Variants in XCL2 observed in about 807,000 individuals in gnomAD.
XCL2 encodes the protein X-C motif chemokine ligand 2, also known as cytokine SCM-1 beta.
XCL2 carries 8 observed loss-of-function variants against 7.2 expected under a neutral mutation model. The ratio of observed to expected loss-of-function variants is 1.10; its 90% CI spans 0.65 to 1.99. The LOEUF (loss-of-function observed/expected upper bound fraction) is 1.99, where lower values mean the gene tolerates loss of function less well. Among genes scored for constraint, XCL2 ranks in the 30% most tolerant of loss-of-function variants. The probability of loss-of-function intolerance (pLI) is 0.00; values close to 1 mark genes in which losing one functional copy is unlikely to be tolerated. For synonymous variants in XCL2, 46 were observed against 54.2 expected (o/e 0.85, Z 0.67); for missense variants, 131 against 138.6 (o/e 0.94, Z 0.28).
Position 168,543,329 on chromosome 1 carries a change from C to G in XCL2, c.61+575G>C, listed in dbSNP as rs544851925. ...CAAGACTGGGACATCCAGTCCACAG[C>G]AAGCACTACTGTCGCCTTCACACAG... On this transcript the variant is annotated intron_variant, in intron 1 of 2. Transcript: ENST00000367819. 4 of 214,696 alleles carry G rather than the reference C, an allele frequency of 1.9e-5. No individual in the cohort carries two copies. The South Asian group carries it at 2.6e-4, about 14-fold the overall frequency. 13.3% of individuals were successfully genotyped at this position (214,696 alleles called of 1,614,324 possible). A position where few individuals can be genotyped will look rare whatever the true frequency, so the allele number is the denominator to read the frequency against.
At chr1:168,541,692 T>C (rs1654287259) in intron 2 of XCL2, among the ~76,000 whole-genome samples, 1 of 152,166 alleles carries the variant, frequency 6.6e-6, no homozygotes, top group South Asian at 2.1e-4. Flanking sequence ...AACCCTGACA[T>C]GAGCCAGCCA....
chr1:168,542,490 C>T (rs642821), intron 1 of XCL2, among the ~76,000 whole-genome samples: 34 of 152,166 alleles, frequency 2.2e-4, no homozygotes, highest in African/African-American at 6.7e-4. Flanking sequence ...CAGACATTAT[C>T]CCTGTTTTCA....
At chr1:168,541,238 C>G in intron 2 of XCL2, 118 bp from the exon 3 acceptor site, 1 of 1,326,134 alleles carries the variant, frequency 7.5e-7, no homozygotes, top group Non-Finnish European at 1.0e-6. Flanking sequence ...AAGAAATAGT[C>G]TTTCAGAGCC....
Position 168,540,924 on chromosome 1 carries a change from C to G in XCL2, c.*28G>C, listed in dbSNP as rs374631558. 413 of 1,609,126 alleles carry G rather than the reference C, an allele frequency of 2.6e-4. No homozygotes were observed. The highest frequency in any genetic ancestry group is 3.4e-4 in the Non-Finnish European group (400 of 1,176,242). On this transcript the variant is annotated 3_prime_UTR_variant, in exon 3 of 3. Coordinates refer to ENST00000367819, the MANE Select transcript of XCL2 (RefSeq NM_003175.4). ...GTGTAAAGTGAAATGAGCTGGCTGG[C>G]TGGAGACGGACAGGGTGCCAGAGAC...
At chr1:168,543,878 A>G (rs1654343788) in intron 1 of XCL2, 26 bp downstream of exon 1, 1 of 1,590,998 alleles carries the variant, frequency 6.3e-7, no homozygotes, top group African/African-American at 1.4e-5. Flanking sequence ...CCTATTCTTT[A>G]TCTCACAGAC....
At chr1:168,543,070 G>A (rs1654324549) in intron 1 of XCL2, 1 of 380,834 alleles carries the variant, frequency 2.6e-6, no homozygotes, top group African/African-American at 2.1e-5. Flanking sequence ...AAGAGAAGAA[G>A]CAGAGACTGT....
chr1:168,542,209 T>C, intron 1 of XCL2, 102 bp from the exon 2 acceptor site: 2 of 1,041,512 alleles, frequency 1.9e-6, no homozygotes, highest in Non-Finnish European at 2.6e-6. Context: ...TGTGAGAATA[T>C]AAGGCCATTT....
At chr1:168,542,631 G>A (rs988749714) in intron 1 of XCL2, 7 of 158,384 alleles carry the variant, frequency 4.4e-5, no homozygotes, top group Non-Finnish European at 9.7e-5. Context: ...CTCTAGGCAA[G>A]GCAACATTCA....
rs761243450 is a variant in XCL2, at chr1:168,541,098, T to C, written c.199A>G (p.Lys67Glu). 5.1e-5 allele frequency: 83 copies of C among 1,613,466 alleles called. No homozygotes were observed. Among genetic ancestry groups the C allele is most frequent in the Non-Finnish European group, 7.0e-5 (83 of 1,179,644 alleles). Residue 67 changes from lysine (K) to glutamate (E), a missense_variant, in exon 3 of 3, where the codon AAA (lysine) becomes GAA (glutamate). Physicochemically the swap from Lys to Glu is moderately conservative, Grantham distance 56. Transcript: ENST00000367819. ...AVIFITKRGL[K>E]VCADPQATWV... Reference sequence around the variant, plus strand: ...GTGGCTTGTGGATCAGCACAGACTTTTAGGCCACGTTTGGTAATAAAACTG... The same window carrying C: ...GTGGCTTGTGGATCAGCACAGACTTCTAGGCCACGTTTGGTAATAAAACTG...
chr1:168,541,401 G>T (rs1473858363), intron 2 of XCL2, among the ~76,000 whole-genome samples: 2 of 152,010 alleles, frequency 1.3e-5, no homozygotes, highest in Non-Finnish European at 2.9e-5. Flanking sequence ...GACATTTGAG[G>T]CCATCTAGTT....
intron 1 of XCL2, chr1:168,543,148 A>G (rs975081518): frequency 2.2e-5 from 7 of 317,692 alleles, no homozygotes; most frequent in Non-Finnish European, 3.5e-5. Context: ...CTGTTCTTTG[A>G]GCAGGGGTTA....
At position 168,543,921 on chromosome 1, in the gene XCL2, G is replaced by A. The variant is rs2101817139; in HGVS notation, c.44C>T (p.Thr15Ile). Residue 15 changes from threonine (T) to isoleucine (I), a missense_variant, in exon 1 of 3, where the codon ACT becomes ATT. Transcript: ENST00000367819. ...ILALLGICSL[T>I]AYIVEGVGSE... ...CCACTTACCTTCCACAATGTATGCA[G>A]TGAGAGAGCAGATGCCAAGGAGGGC... is the stretch of plus-strand genomic sequence containing the variant. 6.2e-7 allele frequency: 1 copy of A among 1,610,978 alleles called. No homozygotes were observed. The highest frequency in any genetic ancestry group is 8.5e-7 in the Non-Finnish European group (1 of 1,178,582).
intron 1 of XCL2, 22 bp from the exon 2 acceptor site, chr1:168,542,129 C>G (rs1654300574): frequency 6.8e-7 from 1 of 1,468,590 alleles, no homozygotes; most frequent in Non-Finnish European, 9.2e-7. Context: ...AAAAAAACAA[C>G]AGACAATTAA....
intron 1 of XCL2, 59 bp from the exon 2 acceptor site, chr1:168,542,166 GA>G: frequency 7.3e-7 from 1 of 1,373,438 alleles, no homozygotes; most frequent in Non-Finnish European, 9.7e-7. Context: ...CAGATCACAG[GA>G]ACAATCGTCT....
At chr1:168,542,206 A>C in intron 1 of XCL2, 99 bp from the exon 2 acceptor site, 1 of 1,059,502 alleles carries the variant, frequency 9.4e-7, no homozygotes, top group Non-Finnish European at 1.3e-6. Context: ...TGTTGTGAGA[A>C]TATAAGGCCA....
At chr1:168,542,697 AT>A (rs1361888711) in intron 1 of XCL2, 1 of 162,386 alleles carries the variant, frequency 6.2e-6, no homozygotes, top group Non-Finnish European at 1.3e-5. Flanking sequence ...CCCTTTTTAA[AT>A]GGTCAAATTT....
rs756632591 is a variant in XCL2 at position 168,543,974 on chromosome 1, C to T, written c.-10G>A. 1 of 1,604,416 alleles carries T rather than the reference C, an allele frequency of 6.2e-7. No individual in the cohort carries two copies. The highest frequency in any genetic ancestry group is 1.7e-5 in the Admixed American group (1 of 59,586). On this transcript the variant is annotated 5_prime_UTR_variant, in exon 1 of 3. Transcript: ENST00000367819. ...GGATGAGAAGTCTCATGGCTGAGGTCCCGCTGAGCTGTGCAGGGAGAGTGA... is the reference window on the plus strand; with the variant it reads ...GGATGAGAAGTCTCATGGCTGAGGTTCCGCTGAGCTGTGCAGGGAGAGTGA...
Position 168,540,840 on chromosome 1 carries a change from G to T in XCL2, c.*112C>A. 3.1e-6 allele frequency: 4 copies of T among 1,270,138 alleles called. No homozygotes were observed. The highest frequency in any genetic ancestry group is 3.2e-6 in the Non-Finnish European group (3 of 947,628). The allele number at this position is 1,270,138 out of a possible 1,614,324, so 78.7% of individuals were successfully genotyped here. ...GACATTTAAAAGTAAAAATACAAAG[G>T]AATAATTTTATTCATGCAGTGCTTT... On this transcript the variant is annotated 3_prime_UTR_variant, in exon 3 of 3. Transcript: ENST00000367819.
chr1:168,541,448 A>G (rs1449798738), intron 2 of XCL2, among the ~76,000 whole-genome samples: 3 of 151,290 alleles, frequency 2.0e-5, no homozygotes, highest in Non-Finnish European at 2.9e-5. Flanking sequence ...CAAATTTGAA[A>G]ATACTCATCT....
Sources: allele counts gnomAD v4.1 joint callset (sites outside exome capture counted in the v4.1 genomes callset), GRCh38; gene constraint gnomAD v4.1.1; transcripts MANE v1.5; gene names NCBI Gene and HGNC (gene_info 2026-07-23, HGNC 2026-07-21).